Variants in ITPR2 observed in about 807,000 individuals in gnomAD.
The protein encoded by ITPR2 is inositol 1,4,5-trisphosphate-gated calcium channel ITPR2.
In ITPR2, 207 loss-of-function variants were observed where a neutral mutation model predicts 317.1. That is an observed-to-expected ratio of 0.65 (90% CI 0.58 to 0.73). ITPR2 has a LOEUF of 0.73. ITPR2 is among the 30% of genes least tolerant of loss of function. ITPR2 has a pLI of 0.00. For missense variants in ITPR2, 2,613 were observed against 3,284.0 expected, an observed-to-expected ratio of 0.80 and a Z score of 4.99; for synonymous variants, 1,156 against 1,149.1, an observed-to-expected ratio of 1.01 and a Z score of -0.12.
intron 13 of ITPR2, among the ~76,000 whole-genome samples, chr12:26,680,043 A>G (rs1470817610): frequency 6.6e-6 from 1 of 152,054 alleles, no homozygotes; most frequent in Non-Finnish European, 1.5e-5. Flanking sequence ...ATACTCTCCT[A>G]CTGTAAATGA....
chr12:26,447,900 A>G (rs1289335673), intron 45 of ITPR2, among the ~76,000 whole-genome samples: 1 of 151,844 alleles, frequency 6.6e-6, no homozygotes, highest in Non-Finnish European at 1.5e-5. Context: ...GAATGAATGC[A>G]CTGCCAACCA....
intron 9 of ITPR2, among the ~76,000 whole-genome samples, chr12:26,710,103 G>A (rs1475550846): frequency 6.6e-6 from 1 of 152,136 alleles, no homozygotes; most frequent in African/African-American, 2.4e-5. Flanking sequence ...GCATGGTGGT[G>A]TGAACCTGTA....
chr12:26,378,082 T>C (rs993246582), intron 55 of ITPR2, among the ~76,000 whole-genome samples: 1 of 152,088 alleles, frequency 6.6e-6, no homozygotes, highest in East Asian at 1.9e-4. Context: ...TGGGCATTAA[T>C]TTAGGTGCTG....
At position 26,652,551 on chromosome 12, in the gene ITPR2, TTA is replaced by T. The variant is rs745858079; in HGVS notation, c.2740+1423_2740+1424del. Among the ~76,000 whole-genome samples, 1,062 of 152,352 alleles carry T rather than the reference TTA, an allele frequency of 7.0e-3. 5 individuals are homozygous for T. The highest frequency in any genetic ancestry group is 0.013 in the Admixed American group (198 of 15,302). ...TGTCCCCTTTTCAGGGCTGAGGCTC[TTA>T]TTGCCCCAGCTGCTGGGCATTCTTG... On this transcript the variant is annotated intron_variant, in intron 21 of 56. Transcript: ENST00000381340.
intron 45 of ITPR2, among the ~76,000 whole-genome samples, chr12:26,445,454 A>G (rs889704299): frequency 2.6e-5 from 4 of 152,108 alleles, no homozygotes; most frequent in African/African-American, 9.7e-5. Context: ...TGGAACTCCA[A>G]TATAGGTTAG....
In ITPR2 at chr12:26,679,958, T is replaced by C. The variant is rs551708345; in HGVS notation, c.1409+1916A>G. On this transcript the variant is annotated intron_variant, in intron 13 of 56. Coordinates refer to ENST00000381340, the MANE Select transcript of ITPR2 (RefSeq NM_002223.4). ...AAAATCAAATTTTAATATGCAAATGTTTATATAATACAGAAATGGAAAAAA... is the reference window on the plus strand; with the variant it reads ...AAAATCAAATTTTAATATGCAAATGCTTATATAATACAGAAATGGAAAAAA... 2.0e-5 allele frequency among the ~76,000 whole-genome samples: 3 copies of C among 152,024 alleles called. No homozygotes were observed. In the South Asian group the frequency reaches 6.2e-4, roughly 32 times the overall value.
At chr12:26,828,452 C>T (rs897348183) in intron 1 of ITPR2, among the ~76,000 whole-genome samples, 19 of 152,112 alleles carry the variant, frequency 1.2e-4, no homozygotes, top group Admixed American at 6.5e-5. Context: ...AATCTGAGCC[C>T]AATGTGATTC....
In ITPR2 at chr12:26,832,959, G is replaced by A. The variant is rs1951142994; in HGVS notation, c.-178C>T. 3 of 561,794 alleles carry A rather than the reference G, an allele frequency of 5.3e-6. No homozygotes were observed. Among genetic ancestry groups the A allele is most frequent in the Admixed American group, 4.1e-5 (1 of 24,454 alleles). The allele number at this position is 561,794 out of a possible 1,614,324, so 34.8% of individuals were successfully genotyped here. A position where few individuals can be genotyped will look rare whatever the true frequency, so the allele number is the denominator to read the frequency against. On this transcript the variant is annotated 5_prime_UTR_variant, in exon 1 of 57. Coordinates refer to ENST00000381340, the MANE Select transcript of ITPR2 (RefSeq NM_002223.4). The stretch of plus-strand genomic sequence containing the variant: ...GCGGCTCAGCCGTGCGTGCGCGCCG[G>A]GGAAGCCAGACCGGGGCCAAGCCGC...
rs1490978888 is a variant in ITPR2 at position 26,657,996 on chromosome 12, A to G, written c.2006+15T>C. 1.2e-6 allele frequency: 2 copies of G among 1,605,316 alleles called. No individual in the cohort carries two copies. Among genetic ancestry groups the G allele is most frequent in the South Asian group, 1.1e-5 (1 of 89,106 alleles). On this transcript the variant is annotated intron_variant, in intron 17 of 56. Coordinates refer to ENST00000381340, the MANE Select transcript of ITPR2 (RefSeq NM_002223.4). ...TAATCAACAGGAAAATGATGCATCC[A>G]TTATCTGGGCTTACTTAGTTTGAAT...
intron 34 of ITPR2, among the ~76,000 whole-genome samples, chr12:26,578,331 C>A (rs1379717640): frequency 6.6e-6 from 1 of 152,018 alleles, no homozygotes; most frequent in Admixed American, 6.6e-5. Flanking sequence ...ACACTTCAAA[C>A]AAAATTGGAA....
Position 26,481,111 on chromosome 12 carries a change from G to A in ITPR2, c.6123+20C>T, listed in dbSNP as rs1394879308. 7.0e-7 allele frequency: 1 copy of A among 1,437,008 alleles called. No homozygotes were observed. The highest frequency in any genetic ancestry group is 2.3e-5 in the East Asian group (1 of 44,018). The allele number at this position is 1,437,008 out of a possible 1,614,324, so 89.0% of individuals were successfully genotyped here. ...ATAGAGACTGTAGCTTTTCTGGCCT[G>A]AACAGTGGAATCGCTCTACCTTTAG... On this transcript the variant is annotated intron_variant, in intron 43 of 56. Transcript: ENST00000381340.
At chr12:26,370,254 A>G (rs1322567818) in intron 55 of ITPR2, among the ~76,000 whole-genome samples, 1 of 152,168 alleles carries the variant, frequency 6.6e-6, no homozygotes, top group Non-Finnish European at 1.5e-5. Context: ...GTATGAAGTA[A>G]GGGCATCTTT....
At chr12:26,493,928 A>G (rs1942869812) in intron 39 of ITPR2, 3 of 395,606 alleles carry the variant, frequency 7.6e-6, no homozygotes, top group South Asian at 9.4e-5. Flanking sequence ...TCCTGGAATA[A>G]TGTCAGAAGG....
At chr12:26,605,381 C>A (rs985999898) in intron 26 of ITPR2, among the ~76,000 whole-genome samples, 9 of 136,162 alleles carry the variant, frequency 6.6e-5, no homozygotes, top group African/African-American at 2.3e-4. Flanking sequence ...TTTTAAAAGG[C>A]CATTTCATTT....
intron 54 of ITPR2, among the ~76,000 whole-genome samples, chr12:26,393,357 C>T (rs1291727791): frequency 2.0e-5 from 3 of 152,150 alleles, no homozygotes; most frequent in Non-Finnish European, 2.9e-5. Flanking sequence ...CTAAGTTCTC[C>T]TAACATATAT....
intron 54 of ITPR2, among the ~76,000 whole-genome samples, chr12:26,397,526 T>A (rs1940036747): frequency 6.6e-6 from 1 of 152,108 alleles, no homozygotes; most frequent in Non-Finnish European, 1.5e-5. Context: ...GCATGAGATA[T>A]CAAGGCTATT....
chr12:26,340,386 A>G (rs911771786), intron 55 of ITPR2, 58 bp from the exon 56 acceptor site: 59 of 1,456,566 alleles, frequency 4.1e-5, no homozygotes, highest in Middle Eastern at 1.8e-4. Context: ...GAGAATGTCT[A>G]TAGCTGTTTA....
At chr12:26,760,541 A>G (rs568157826) in intron 2 of ITPR2, among the ~76,000 whole-genome samples, 1 of 152,228 alleles carries the variant, frequency 6.6e-6, no homozygotes, top group East Asian at 1.9e-4. Flanking sequence ...ACTTAATGCC[A>G]AAACTGTGTG....
At chr12:26,770,840 C>T (rs555844513) in intron 2 of ITPR2, among the ~76,000 whole-genome samples, 1 of 152,290 alleles carries the variant, frequency 6.6e-6, no homozygotes, top group Admixed American at 6.5e-5. Flanking sequence ...CAGCAATTTA[C>T]ACTCTCATAG....
Sources: gnomAD v4.1 joint callset for allele counts (sites outside exome capture counted in the v4.1 genomes callset) on GRCh38, gnomAD v4.1.1 for gene constraint, MANE v1.5 for transcripts, NCBI Gene and HGNC (gene_info 2026-07-23, HGNC 2026-07-21) for gene names.